Variants in PACRG observed in about 807,000 individuals in gnomAD.
PACRG encodes the protein parkin coregulated, also known as parkin coregulated gene protein.
In PACRG, 29 loss-of-function variants were observed where a neutral mutation model predicts 29.7. The ratio of observed to expected loss-of-function variants is 0.98; its 90% CI spans 0.73 to 1.33. The LOEUF (loss-of-function observed/expected upper bound fraction) is 1.33, where lower values mean the gene tolerates loss of function less well. Among genes scored for constraint, PACRG ranks in the 40% most tolerant of loss-of-function variants. The pLI is 0.00. For synonymous variants in PACRG, 116 were observed against 118.7 expected (o/e 0.98, Z 0.15); for missense variants, 279 against 316.2 (o/e 0.88, Z 0.89).
chr6:163,094,928 G>A (rs187509903), intron 4 of PACRG, among the ~76,000 whole-genome samples: 15 of 152,154 alleles, frequency 9.9e-5, no homozygotes, highest in Admixed American at 5.9e-4. Flanking sequence ...CTTCCCCCTC[G>A]GTATTCACTT....
chr6:163,041,613 C>A (rs1808732599), intron 2 of PACRG, among the ~76,000 whole-genome samples: 1 of 152,134 alleles, frequency 6.6e-6, no homozygotes, highest in South Asian at 2.1e-4. Context: ...AATCTCTTTC[C>A]TTCGTAAATT....
intron 1 of PACRG, among the ~76,000 whole-genome samples, chr6:162,735,982 A>G (rs570315414): frequency 1.3e-4 from 20 of 152,342 alleles, no homozygotes; most frequent in Admixed American, 1.2e-3. Flanking sequence ...TTTGTCATTC[A>G]TAAGAGTCAG....
intron 1 of PACRG, among the ~76,000 whole-genome samples, chr6:162,791,377 T>G (rs1784933823): frequency 6.6e-6 from 1 of 150,504 alleles, no homozygotes. Context: ...GTTCAAAATC[T>G]TAGTGTCACC....
At chr6:162,782,545 G>A (rs1037375988) in intron 1 of PACRG, among the ~76,000 whole-genome samples, 7 of 151,740 alleles carry the variant, frequency 4.6e-5, no homozygotes, top group African/African-American at 1.5e-4. Flanking sequence ...TTAAAACATA[G>A]CACTTTCTCT....
At chr6:162,873,249 C>T (rs1373806907) in intron 2 of PACRG, among the ~76,000 whole-genome samples, 2 of 151,932 alleles carry the variant, frequency 1.3e-5, no homozygotes, top group African/African-American at 2.4e-5. Context: ...GGGTACGTTT[C>T]TGGCTTGCCA....
At chr6:163,114,218 T>A (rs1168392899) in intron 4 of PACRG, among the ~76,000 whole-genome samples, 2 of 152,168 alleles carry the variant, frequency 1.3e-5, no homozygotes, top group African/African-American at 2.4e-5. Context: ...CCACTGCACT[T>A]CAGCCTGGGT....
intron 2 of PACRG, among the ~76,000 whole-genome samples, chr6:162,977,138 A>C (rs1802025211): frequency 6.6e-6 from 1 of 152,040 alleles, no homozygotes; most frequent in Non-Finnish European, 1.5e-5. Flanking sequence ...ACAGCTAAAA[A>C]TACTTTAAAT....
At chr6:163,154,885 A>C (rs2128339645) in intron 4 of PACRG, among the ~76,000 whole-genome samples, 1 of 152,192 alleles carries the variant, frequency 6.6e-6, no homozygotes, top group African/African-American at 2.4e-5. Context: ...ACATCAACAA[A>C]ACAAGCCCAA....
At chr6:162,874,945 A>G (rs1470448960) in intron 2 of PACRG, among the ~76,000 whole-genome samples, 1 of 152,016 alleles carries the variant, frequency 6.6e-6, no homozygotes, top group Non-Finnish European at 1.5e-5. Flanking sequence ...ATACACTCAC[A>G]CAGTCACATG....
intron 1 of PACRG, among the ~76,000 whole-genome samples, chr6:162,810,980 G>T (rs1786813247): frequency 1.3e-5 from 2 of 152,118 alleles, no homozygotes; most frequent in South Asian, 4.1e-4. Flanking sequence ...AGAAATGCAT[G>T]CAAAGGCACA....
intron 4 of PACRG, among the ~76,000 whole-genome samples, chr6:163,112,324 C>T (rs1815760063): frequency 6.6e-6 from 1 of 152,198 alleles, no homozygotes; most frequent in South Asian, 2.1e-4. Context: ...GAGCTGTGCA[C>T]CTGTTCCTAG....
At chr6:162,793,916 A>G (rs1167614010) in intron 1 of PACRG, among the ~76,000 whole-genome samples, 1 of 152,238 alleles carries the variant, frequency 6.6e-6, no homozygotes, top group East Asian at 1.9e-4. Context: ...GGGTGATGAA[A>G]GAATCTATAC....
chr6:162,997,801 A>G (rs1257245569), intron 2 of PACRG, among the ~76,000 whole-genome samples: 1 of 152,208 alleles, frequency 6.6e-6, no homozygotes, highest in Non-Finnish European at 1.5e-5. Context: ...TTAACTTGAC[A>G]CTATATGTCT....
intron 2 of PACRG, among the ~76,000 whole-genome samples, chr6:162,937,922 A>T (rs1798351988): frequency 6.6e-6 from 1 of 151,630 alleles, no homozygotes; most frequent in Non-Finnish European, 1.5e-5. Context: ...TTCATAGGTT[A>T]TTGGGGCAAA....
At chr6:162,907,249 C>T (rs946338722) in intron 2 of PACRG, among the ~76,000 whole-genome samples, 4 of 152,068 alleles carry the variant, frequency 2.6e-5, no homozygotes, top group African/African-American at 9.7e-5. Context: ...AATACGGCTG[C>T]TCCCTGTTCT....
chr6:163,121,691 A>T (rs1171801546), intron 4 of PACRG, among the ~76,000 whole-genome samples: 1 of 140,232 alleles, frequency 7.1e-6, no homozygotes, highest in Non-Finnish European at 1.5e-5. Flanking sequence ...TTTGAGACAG[A>T]GTCTCCGTCT....
At chr6:162,989,139 A>C (rs1038676315) in intron 2 of PACRG, among the ~76,000 whole-genome samples, 2 of 152,188 alleles carry the variant, frequency 1.3e-5, no homozygotes, top group Admixed American at 6.5e-5. Flanking sequence ...TTTCAGGTGG[A>C]ACATTGTTCT....
chr6:163,231,698 C>A (rs1160312578), intron 4 of PACRG, among the ~76,000 whole-genome samples: 3 of 152,196 alleles, frequency 2.0e-5, no homozygotes, highest in Non-Finnish European at 4.4e-5. Flanking sequence ...ACTCCTTTTA[C>A]CCTCAACAAA....
chr6:163,278,250 T>G (rs1784116470), intron 4 of PACRG, among the ~76,000 whole-genome samples: 1 of 152,214 alleles, frequency 6.6e-6, no homozygotes, highest in Admixed American at 6.5e-5. Context: ...CTTTATCAGG[T>G]GTATATAGTG....
Sources: allele counts gnomAD v4.1 joint callset (sites outside exome capture counted in the v4.1 genomes callset), GRCh38; gene constraint gnomAD v4.1.1; transcripts MANE v1.5; gene names NCBI Gene and HGNC (gene_info 2026-07-23, HGNC 2026-07-21).